RIMS2: variants seen among roughly 807,000 people sequenced by gnomAD.
RIMS2 encodes regulating synaptic membrane exocytosis protein 2.
Under a neutral mutation model 174.4 loss-of-function variants are expected in RIMS2, and 59 were observed. That is an observed-to-expected ratio of 0.34 (90% CI 0.27 to 0.42). The LOEUF is 0.42. RIMS2 is among the 10% of genes least tolerant of loss of function. The probability of loss-of-function intolerance (pLI) is 1.00; values close to 1 mark genes in which losing one functional copy is unlikely to be tolerated. For synonymous variants in RIMS2, 606 were observed against 572.5 expected (o/e 1.06, Z -0.84); for missense variants, 1,620 against 1,666.3 (o/e 0.97, Z 0.48).
chr8:103,610,204 T>A (rs1396916009), intron 1 of RIMS2, among the ~76,000 whole-genome samples: 1 of 152,182 alleles, frequency 6.6e-6, no homozygotes, highest in African/African-American at 2.4e-5. Flanking sequence ...CTTGCTGAAG[T>A]TGTTTATCAG....
chr8:103,654,180 T>C (rs1278383451), intron 1 of RIMS2, among the ~76,000 whole-genome samples: 1 of 151,980 alleles, frequency 6.6e-6, no homozygotes, highest in Non-Finnish European at 1.5e-5. Context: ...ATGTATCTTG[T>C]GTGTGAGGTT....
At chr8:104,005,835 T>G (rs2095555294) in intron 17 of RIMS2, among the ~76,000 whole-genome samples, 1 of 152,006 alleles carries the variant, frequency 6.6e-6, no homozygotes. Flanking sequence ...ATGGGTAACA[T>G]AACTAGAACC....
At chr8:103,500,902 G>T in exon 1 of RIMS2, 1 of 1,598,454 alleles carries the variant, frequency 6.3e-7, no homozygotes, top group Non-Finnish European at 8.5e-7. Context: ...GGCTCCTGTC[G>T]GGCCCCGGGG....
At chr8:103,704,188 T>C (rs999400320) in intron 2 of RIMS2, among the ~76,000 whole-genome samples, 5 of 149,744 alleles carry the variant, frequency 3.3e-5, no homozygotes, top group African/African-American at 1.2e-4. Context: ...GATTTAAAAA[T>C]CATTATTAAA....
chr8:103,938,070 T>C (rs760015051), intron 13 of RIMS2, among the ~76,000 whole-genome samples: 1 of 152,152 alleles, frequency 6.6e-6, no homozygotes, highest in Non-Finnish European at 1.5e-5. Flanking sequence ...TCATATTTTC[T>C]TTAAAAAGAA....
At chr8:103,787,785 TTC>T (rs2098457682) in intron 3 of RIMS2, among the ~76,000 whole-genome samples, 1 of 152,148 alleles carries the variant, frequency 6.6e-6, no homozygotes, top group Non-Finnish European at 1.5e-5. Context: ...CTTTGTGGCG[TTC>T]TCTGTATTTC....
intron 19 of RIMS2, among the ~76,000 whole-genome samples, chr8:104,159,318 GT>G (rs2098746050): frequency 6.6e-6 from 1 of 152,190 alleles, no homozygotes; most frequent in Non-Finnish European, 1.5e-5. Context: ...ATAGTTTGAA[GT>G]CAAGTAGCAT....
intron 1 of RIMS2, among the ~76,000 whole-genome samples, chr8:103,516,818 C>CA (rs34637562): frequency 0.18 from 27,664 of 151,982 alleles, 2,757 homozygotes; most frequent in African/African-American, 0.26. Context: ...ATGGGAAGGT[C>CA]GGGGAGAGGT....
At chr8:104,193,598 A>G (rs571542199) in intron 19 of RIMS2, among the ~76,000 whole-genome samples, 1 of 152,278 alleles carries the variant, frequency 6.6e-6, no homozygotes, top group Admixed American at 6.5e-5. Flanking sequence ...GTATCACAAC[A>G]TTTCTGCCAA....
intron 19 of RIMS2, among the ~76,000 whole-genome samples, chr8:104,078,701 T>C (rs1380959458): frequency 6.6e-6 from 1 of 152,236 alleles, no homozygotes; most frequent in African/African-American, 2.4e-5. Context: ...TTTATTGCAT[T>C]GTGAAAGCAT....
intron 8 of RIMS2, 28 bp downstream of exon 11, chr8:103,916,565 G>A (rs763020998): frequency 6.4e-7 from 1 of 1,570,100 alleles, no homozygotes; most frequent in Non-Finnish European, 8.6e-7. Context: ...TTTTATATGT[G>A]TGTGAAGTTG....
intron 19 of RIMS2, among the ~76,000 whole-genome samples, chr8:104,228,230 G>A (rs1276690770): frequency 6.6e-6 from 1 of 151,848 alleles, no homozygotes; most frequent in Non-Finnish European, 1.5e-5. Context: ...GGGTTTCACC[G>A]TGTTAGCCAG....
intron 19 of RIMS2, among the ~76,000 whole-genome samples, chr8:104,226,217 A>G (rs1244054429): frequency 6.6e-6 from 1 of 152,222 alleles, no homozygotes; most frequent in East Asian, 1.9e-4. Flanking sequence ...ACTAACCAGT[A>G]TGATTTAACC....
At chr8:104,102,936 A>T (rs2097934599) in intron 19 of RIMS2, among the ~76,000 whole-genome samples, 1 of 152,330 alleles carries the variant, frequency 6.6e-6, no homozygotes, top group East Asian at 1.9e-4. Flanking sequence ...ATAAAATATG[A>T]GTAGTCAGTT....
chr8:103,587,740 G>A (rs1035271422), intron 1 of RIMS2, among the ~76,000 whole-genome samples: 3 of 151,964 alleles, frequency 2.0e-5, no homozygotes, highest in Admixed American at 6.6e-5. Context: ...CAAAAAACTG[G>A]GGATGGAAGG....
At chr8:103,950,272 A>G (rs938823331) in intron 14 of RIMS2, among the ~76,000 whole-genome samples, 2 of 152,184 alleles carry the variant, frequency 1.3e-5, no homozygotes, top group African/African-American at 2.4e-5. Context: ...AGCTCATTTT[A>G]TGAAACAAAC....
intron 19 of RIMS2, among the ~76,000 whole-genome samples, chr8:104,157,409 G>C (rs2098731415): frequency 6.6e-6 from 1 of 152,060 alleles, no homozygotes; most frequent in African/African-American, 2.4e-5. Context: ...GTGACATAAA[G>C]TTTACCTGTT....
At chr8:103,726,062 A>G (rs2097524356) in intron 2 of RIMS2, among the ~76,000 whole-genome samples, 1 of 152,200 alleles carries the variant, frequency 6.6e-6, no homozygotes, top group Non-Finnish European at 1.5e-5. Flanking sequence ...TACTGAACAA[A>G]TATCATATAT....
intron 19 of RIMS2, among the ~76,000 whole-genome samples, chr8:104,149,312 C>G (rs962017810): frequency 1.3e-5 from 2 of 152,210 alleles, no homozygotes; most frequent in African/African-American, 4.8e-5. Flanking sequence ...AGTTTGTAAG[C>G]AACATTTACC....
Sources: allele counts gnomAD v4.1 joint callset (sites outside exome capture counted in the v4.1 genomes callset), GRCh38; gene constraint gnomAD v4.1.1; transcripts MANE v1.5; gene names NCBI Gene and HGNC (gene_info 2026-07-23, HGNC 2026-07-21).